The following PLEKHA5 variants were observed in gnomAD, a reference collection of about 807,000 sequenced individuals.
The protein encoded by PLEKHA5 is pleckstrin homology domain-containing family A member 5.
A neutral mutation model predicts 181.9 loss-of-function variants in PLEKHA5; 55 were observed. That is an observed-to-expected ratio of 0.30 (90% confidence interval 0.24 to 0.38). PLEKHA5 has a LOEUF of 0.38. PLEKHA5 is among the 10% of genes least tolerant of loss of function. The pLI is 1.00. For synonymous variants in PLEKHA5, 535 were observed against 529.4 expected (o/e 1.01, Z -0.15); for missense variants, 1,432 against 1,549.5 (o/e 0.92, Z 1.27).
intron 29 of PLEKHA5, among the ~76,000 whole-genome samples, chr12:19,363,420 G>A (rs2095325069): frequency 6.6e-6 from 1 of 151,244 alleles, no homozygotes; most frequent in Non-Finnish European, 1.5e-5. Flanking sequence ...GCCCGCCTTG[G>A]CCTCCCAAAG....
At chr12:19,171,228 AT>A (rs1465495442) in intron 3 of PLEKHA5, among the ~76,000 whole-genome samples, 2 of 152,168 alleles carry the variant, frequency 1.3e-5, no homozygotes, top group African/African-American at 4.8e-5. Context: ...GAAGAAATCA[AT>A]TGAGAGAGGG....
chr12:19,199,439 G>A (rs2053681274), intron 3 of PLEKHA5, among the ~76,000 whole-genome samples: 1 of 152,146 alleles, frequency 6.6e-6, no homozygotes, highest in African/African-American at 2.4e-5. Flanking sequence ...GAATGAAGTG[G>A]TGGCAGTGAT....
intron 3 of PLEKHA5, among the ~76,000 whole-genome samples, chr12:19,136,985 A>G (rs2035835329): frequency 6.6e-6 from 1 of 152,208 alleles, no homozygotes; most frequent in African/African-American, 2.4e-5. Context: ...AACAAGTGCC[A>G]TAAAAAACAT....
chr12:19,192,315 CTG>C (rs2051335502), intron 3 of PLEKHA5, among the ~76,000 whole-genome samples: 1 of 151,978 alleles, frequency 6.6e-6, no homozygotes, highest in Non-Finnish European at 1.5e-5. Flanking sequence ...TGAGGAAAGA[CTG>C]ATTAAGTTCA....
chr12:19,131,545 T>C (rs1424275141), intron 2 of PLEKHA5, among the ~76,000 whole-genome samples: 2 of 152,230 alleles, frequency 1.3e-5, no homozygotes, highest in East Asian at 3.8e-4. Context: ...AAAGACGATA[T>C]GACATTTAAA....
intron 11 of PLEKHA5, among the ~76,000 whole-genome samples, chr12:19,280,162 G>GCCTCAA (rs1349308819): frequency 2.1e-5 from 3 of 142,492 alleles, no homozygotes; most frequent in Non-Finnish European, 4.5e-5. Context: ...CAGTTCTCCT[G>GCCTCAA]CCTCAACCTC....
chr12:19,138,457 C>T (rs2036303464), intron 3 of PLEKHA5, among the ~76,000 whole-genome samples: 1 of 151,666 alleles, frequency 6.6e-6, no homozygotes, highest in South Asian at 2.1e-4. Flanking sequence ...CCTGTAGTCC[C>T]AGCTACTCGG....
chr12:19,271,334 A>G (rs1327187004), intron 10 of PLEKHA5, among the ~76,000 whole-genome samples: 2 of 152,006 alleles, frequency 1.3e-5, no homozygotes, highest in Admixed American at 6.6e-5. Context: ...ATGAAACACC[A>G]TCTGTACCAA....
At chr12:19,285,449 C>T (rs2077015691) in intron 12 of PLEKHA5, among the ~76,000 whole-genome samples, 1 of 152,196 alleles carries the variant, frequency 6.6e-6, no homozygotes, top group South Asian at 2.1e-4. Context: ...TCAAACTATC[C>T]TATCCTCTTC....
intron 2 of PLEKHA5, among the ~76,000 whole-genome samples, chr12:19,131,171 G>A (rs1280981112): frequency 1.3e-5 from 2 of 152,210 alleles, no homozygotes; most frequent in African/African-American, 4.8e-5. Flanking sequence ...TTGGGTCGAA[G>A]GCGAGGCCAG....
intron 10 of PLEKHA5, among the ~76,000 whole-genome samples, chr12:19,273,572 T>C (rs1283417991): frequency 6.6e-6 from 1 of 152,180 alleles, no homozygotes; most frequent in Non-Finnish European, 1.5e-5. Flanking sequence ...TAGAGTGGCA[T>C]GATCTTGGCA....
chr12:19,207,787 A>G (rs1223481467), intron 3 of PLEKHA5: 1 of 152,184 alleles, frequency 6.6e-6, no homozygotes, highest in East Asian at 1.9e-4. Context: ...GAATTTCTAT[A>G]TTAAAATATC....
In PLEKHA5 at chr12:19,253,987, C is replaced by T. The variant is rs370824347; in HGVS notation, c.275C>T (p.Pro92Leu). The stretch of plus-strand genomic sequence containing the variant: ...TGCAAACATCCAGTCACAGGACAAC[C>T]ATCACAGGACAATTGTATTTTTGTA... ...VTCKHPVTGQPSQDNCIFVVN... is the reference protein window; with the variant it reads ...VTCKHPVTGQLSQDNCIFVVN... Residue 92 changes from proline (P) to leucine (L), a missense_variant, in exon 4 of 32, where the codon CCA (proline) becomes CTA (leucine). Physicochemically the swap from Pro to Leu is moderately conservative, Grantham distance 98 (BLOSUM62 -3). Coordinates refer to ENST00000429027, the MANE Select transcript of PLEKHA5 (RefSeq NM_001256470.2). The T allele has an allele frequency of 9.3e-6, 15 of 1,607,086 alleles. No homozygotes were observed. Among genetic ancestry groups the T allele is most frequent in the Non-Finnish European group, 1.2e-5 (14 of 1,175,942 alleles).
intron 16 of PLEKHA5, among the ~76,000 whole-genome samples, chr12:19,317,163 T>A (rs2089131828): frequency 6.6e-6 from 1 of 151,978 alleles, no homozygotes; most frequent in Non-Finnish European, 1.5e-5. Context: ...GGCCAGGAGT[T>A]TGAGACTAGC....
chr12:19,248,208 G>C (rs1342601551), intron 3 of PLEKHA5, among the ~76,000 whole-genome samples: 3 of 152,124 alleles, frequency 2.0e-5, no homozygotes, highest in Non-Finnish European at 4.4e-5. Flanking sequence ...GAGGGATAGA[G>C]TGTTTAATCT....
At chr12:19,142,776 G>A (rs141206957) in intron 3 of PLEKHA5, among the ~76,000 whole-genome samples, 190 of 152,172 alleles carry the variant, frequency 1.2e-3, no homozygotes, top group African/African-American at 4.4e-3. Context: ...TTCTATAAGT[G>A]TAACTCTATA....
chr12:19,262,517 G>C (rs1565535141), intron 7 of PLEKHA5, among the ~76,000 whole-genome samples: 1 of 152,162 alleles, frequency 6.6e-6, no homozygotes, highest in East Asian at 1.9e-4. Context: ...GGGATTACAG[G>C]TGTGAGCCAC....
intron 3 of PLEKHA5, among the ~76,000 whole-genome samples, chr12:19,251,340 G>A (rs1304194052): frequency 6.6e-6 from 1 of 150,666 alleles, no homozygotes; most frequent in Non-Finnish European, 1.5e-5. Flanking sequence ...CCAGGAGGCA[G>A]AGGTTGCAGT....
At chr12:19,281,928 C>T (rs1489180445) in intron 11 of PLEKHA5, among the ~76,000 whole-genome samples, 1 of 151,770 alleles carries the variant, frequency 6.6e-6, no homozygotes, top group Non-Finnish European at 1.5e-5. Context: ...ACTACAGGCA[C>T]CTGCCACCAC....
Sources: gnomAD v4.1 joint callset for allele counts (sites outside exome capture counted in the v4.1 genomes callset) on GRCh38, gnomAD v4.1.1 for gene constraint, MANE v1.5 for transcripts, NCBI Gene and HGNC (gene_info 2026-07-23, HGNC 2026-07-21) for gene names.